Variants in SLC25A21 observed in about 807,000 individuals in gnomAD.
SLC25A21 encodes the protein solute carrier family 25 member 21.
A neutral mutation model predicts 43.8 loss-of-function variants in SLC25A21; 47 were observed. The ratio of observed to expected loss-of-function variants is 1.07; its 90% CI spans 0.85 to 1.37. SLC25A21 has a LOEUF of 1.37. SLC25A21 is among the 40% of genes most tolerant of loss of function. SLC25A21 has a pLI of 0.00. For missense variants in SLC25A21, 352 were observed against 350.2 expected (o/e 1.00, Z -0.04); for synonymous variants, 131 against 121.3 (o/e 1.08, Z -0.52).
intron 6 of SLC25A21, among the ~76,000 whole-genome samples, chr14:36,712,215 C>A (rs747146944): frequency 1.3e-5 from 2 of 152,086 alleles, no homozygotes; most frequent in Non-Finnish European, 2.9e-5. Context: ...ATTTACAATT[C>A]ATTACAATAC....
chr14:37,107,392 G>A (rs534575208), intron 1 of SLC25A21, among the ~76,000 whole-genome samples: 12 of 151,830 alleles, frequency 7.9e-5, no homozygotes, highest in African/African-American at 1.9e-4. Flanking sequence ...TAAGTTGCCC[G>A]CACTGGTCTC....
At chr14:36,929,532 AAAG>A (rs1350650925) in intron 1 of SLC25A21, among the ~76,000 whole-genome samples, 5 of 152,192 alleles carry the variant, frequency 3.3e-5, no homozygotes, top group African/African-American at 1.2e-4. Context: ...ATATTAAGGA[AAAG>A]AAGATTTTTT....
intron 2 of SLC25A21, among the ~76,000 whole-genome samples, chr14:36,871,227 G>A (rs1255951007): frequency 6.6e-6 from 1 of 152,006 alleles, no homozygotes; most frequent in Non-Finnish European, 1.5e-5. Context: ...AATGGGATTA[G>A]TGCCCTTATA....
chr14:36,919,126 A>G (rs1891909101), intron 1 of SLC25A21, among the ~76,000 whole-genome samples: 1 of 151,842 alleles, frequency 6.6e-6, no homozygotes, highest in East Asian at 1.9e-4. Flanking sequence ...GTGTATACTT[A>G]TAACCTCAAA....
chr14:36,738,020 T>G (rs1885112266), intron 3 of SLC25A21, among the ~76,000 whole-genome samples: 1 of 152,224 alleles, frequency 6.6e-6, no homozygotes, highest in Non-Finnish European at 1.5e-5. Flanking sequence ...ATTCATCATT[T>G]ATAACCCAGA....
intron 1 of SLC25A21, among the ~76,000 whole-genome samples, chr14:37,110,252 C>A (rs1033505276): frequency 2.6e-5 from 4 of 152,150 alleles, no homozygotes. Flanking sequence ...TTTGCAGAGG[C>A]ATTAGTTAGC....
chr14:37,012,017 C>T (rs941618330), intron 1 of SLC25A21, among the ~76,000 whole-genome samples: 5 of 152,032 alleles, frequency 3.3e-5, no homozygotes, highest in African/African-American at 4.8e-5. Flanking sequence ...ATGACCAGAC[C>T]GGAAGAACCA....
At chr14:36,933,973 T>G (rs1892356258) in intron 1 of SLC25A21, among the ~76,000 whole-genome samples, 1 of 152,164 alleles carries the variant, frequency 6.6e-6, no homozygotes, top group South Asian at 2.1e-4. Context: ...ATGCTAAGCA[T>G]GGCTGAAAGT....
At chr14:37,016,347 A>C (rs1960855556) in intron 1 of SLC25A21, among the ~76,000 whole-genome samples, 1 of 152,062 alleles carries the variant, frequency 6.6e-6, no homozygotes, top group African/African-American at 2.4e-5. Context: ...AAGATCACAT[A>C]GTTGTAGATA....
chr14:37,171,948 G>A, intron 1 of SLC25A21: 1 of 352,510 alleles, frequency 2.8e-6, no homozygotes, highest in South Asian at 7.3e-5. Context: ...TCATTTTCAA[G>A]TAAAATAGGT....
intron 1 of SLC25A21, among the ~76,000 whole-genome samples, chr14:36,880,414 G>A (rs1166235403): frequency 1.3e-5 from 2 of 152,122 alleles, no homozygotes; most frequent in Non-Finnish European, 2.9e-5. Flanking sequence ...TTCCACATAT[G>A]CTAATCTAAC....
chr14:36,868,812 C>T (rs1179097186), intron 2 of SLC25A21, among the ~76,000 whole-genome samples: 1 of 152,190 alleles, frequency 6.6e-6, no homozygotes, highest in Admixed American at 6.5e-5. Flanking sequence ...TCCCAGACTT[C>T]CCTGGGTTCA....
At chr14:37,121,798 C>CA (rs10706578) in intron 1 of SLC25A21, among the ~76,000 whole-genome samples, 1 of 151,520 alleles carries the variant, frequency 6.6e-6, no homozygotes, top group African/African-American at 2.4e-5. Context: ...CAAAAAGAAC[C>CA]AAAAAAAAAC....
chr14:37,056,251 G>A (rs1320769442), intron 1 of SLC25A21, among the ~76,000 whole-genome samples: 1 of 152,098 alleles, frequency 6.6e-6, no homozygotes, highest in Admixed American at 6.5e-5. Context: ...AGCACTTTGG[G>A]AGGCCGAGGC....
intron 1 of SLC25A21, among the ~76,000 whole-genome samples, chr14:36,996,214 A>C (rs1431077616): frequency 6.6e-6 from 1 of 152,150 alleles, no homozygotes; most frequent in Non-Finnish European, 1.5e-5. Flanking sequence ...TGTATCTAAT[A>C]TTCAGCTAAC....
chr14:36,947,561 T>C (rs147323663), intron 1 of SLC25A21, among the ~76,000 whole-genome samples: 7 of 152,236 alleles, frequency 4.6e-5, no homozygotes, highest in African/African-American at 1.7e-4. Flanking sequence ...CTTATGATGA[T>C]TTACCATGTC....
intron 1 of SLC25A21, among the ~76,000 whole-genome samples, chr14:36,977,082 C>T (rs1424088175): frequency 2.6e-5 from 4 of 152,230 alleles, no homozygotes; most frequent in Non-Finnish European, 5.9e-5. Flanking sequence ...TCCTCTTAAA[C>T]ATGTTGCATT....
intron 1 of SLC25A21, among the ~76,000 whole-genome samples, chr14:36,880,388 T>C (rs1339844289): frequency 6.6e-6 from 1 of 152,206 alleles, no homozygotes; most frequent in East Asian, 1.9e-4. Context: ...CTTAAACTAC[T>C]GCGATTTGGG....
chr14:36,974,810 CTGAA>C (rs1949115848), intron 1 of SLC25A21, among the ~76,000 whole-genome samples: 1 of 152,020 alleles, frequency 6.6e-6, no homozygotes, highest in Non-Finnish European at 1.5e-5. Flanking sequence ...CATCCAGAGC[CTGAA>C]TATATAAAAC....
Sources: allele counts gnomAD v4.1 joint callset (sites outside exome capture counted in the v4.1 genomes callset), GRCh38; gene constraint gnomAD v4.1.1; transcripts MANE v1.5; gene names NCBI Gene and HGNC (gene_info 2026-07-23, HGNC 2026-07-21).